The following IL1RAPL1 variants were observed in gnomAD, a reference collection of about 807,000 sequenced individuals.
The protein encoded by IL1RAPL1 is interleukin 1 receptor accessory protein like 1.
Under a neutral mutation model 48.4 loss-of-function variants are expected in IL1RAPL1, and 3 were observed. That is an observed-to-expected ratio of 0.06 (90% CI 0.03 to 0.16). The LOEUF is 0.16. IL1RAPL1 is among the 10% of genes least tolerant of loss of function. The pLI is 1.00. For missense variants in IL1RAPL1, 349 were observed against 530.6 expected (o/e 0.66, Z 3.36); for synonymous variants, 185 against 187.7 (o/e 0.99, Z 0.12).
chrX:28,789,552 T>TA (rs1236710502), intron 2 of IL1RAPL1, 127 bp downstream of exon 2: 1 of 520,167 alleles, frequency 1.9e-6, no homozygotes, highest in African/African-American at 2.3e-5. Context: ...ATATTGTAGA[T>TA]ATTATGAGTA....
intron 5 of IL1RAPL1, among the ~76,000 whole-genome samples, chrX:29,578,598 T>C (rs1455549362): frequency 9.0e-6 from 1 of 111,494 alleles, no homozygotes; most frequent in Non-Finnish European, 1.9e-5. Context: ...AATCAAATGG[T>C]TCTGAGAATG....
chrX:28,828,802 G>T (rs183953032), intron 2 of IL1RAPL1, among the ~76,000 whole-genome samples: 1,152 of 111,670 alleles, frequency 0.01, 3 homozygotes, highest in Middle Eastern at 0.046. Flanking sequence ...TTTTGTTCGG[G>T]TTTTCAAGAT....
intron 2 of IL1RAPL1, among the ~76,000 whole-genome samples, chrX:29,063,272 T>G (rs1438407310): frequency 8.9e-6 from 1 of 111,755 alleles, no homozygotes; most frequent in Admixed American, 9.5e-5. Context: ...AAATAGAGAA[T>G]GATAAGTGAA....
intron 5 of IL1RAPL1, among the ~76,000 whole-genome samples, chrX:29,604,070 T>C (rs1278155081): frequency 8.9e-6 from 1 of 112,369 alleles, no homozygotes; most frequent in East Asian, 2.8e-4. Flanking sequence ...AATTGCAGAG[T>C]ATTGTACAGA....
chrX:29,232,278 T>G lies in IL1RAPL1; in HGVS notation c.83-50660T>G, dbSNP rs910968413. On this transcript the variant is annotated intron_variant, in intron 2 of 10. Transcript: ENST00000378993. ...ACATGGATACAGAGATGATAAGACA[T>G]GATTTTACCGTAAAATAAAACACAC... is the stretch of plus-strand genomic sequence containing the variant. Among the ~76,000 whole-genome samples, 3 of 111,854 alleles carry G rather than the reference T, an allele frequency of 2.7e-5. 1 individual carries two copies. Among genetic ancestry groups the G allele is most frequent in the African/African-American group, 9.7e-5 (3 of 30,799 alleles).
intron 5 of IL1RAPL1, among the ~76,000 whole-genome samples, chrX:29,607,515 A>G (rs1224743677): frequency 1.8e-5 from 2 of 111,882 alleles, no homozygotes. Context: ...TAATTATCCA[A>G]ATGATGTTAG....
chrX:29,094,060 C>T (rs1460168952), intron 2 of IL1RAPL1, among the ~76,000 whole-genome samples: 1 of 111,832 alleles, frequency 8.9e-6, no homozygotes, highest in East Asian at 2.8e-4. Flanking sequence ...TTACTGTCTA[C>T]CTCACCTGGT....
At chrX:29,436,094 A>G (rs1368376533) in intron 5 of IL1RAPL1, among the ~76,000 whole-genome samples, 1 of 109,421 alleles carries the variant, frequency 9.1e-6, no homozygotes, top group South Asian at 3.8e-4. Flanking sequence ...ACTGGCAGTT[A>G]TTATGTTAAA....
At chrX:29,419,268 ACTT>A (rs1435474897) in intron 5 of IL1RAPL1, among the ~76,000 whole-genome samples, 2 of 111,646 alleles carry the variant, frequency 1.8e-5, no homozygotes, top group African/African-American at 3.3e-5. Context: ...AATGACATAT[ACTT>A]CTTCTCATTC....
intron 2 of IL1RAPL1, among the ~76,000 whole-genome samples, chrX:29,271,012 C>T (rs1177444772): frequency 9.0e-6 from 1 of 111,356 alleles, no homozygotes; most frequent in East Asian, 2.8e-4. Context: ...CACACTCCTC[C>T]CACCCTCCAC....
chrX:29,215,336 C>G (rs1252547378), intron 2 of IL1RAPL1, among the ~76,000 whole-genome samples: 7 of 98,549 alleles, frequency 7.1e-5, no homozygotes, highest in African/African-American at 2.9e-4. Flanking sequence ...GAGCAAGACT[C>G]TGTCTCAAAA....
intron 5 of IL1RAPL1, among the ~76,000 whole-genome samples, chrX:29,535,134 CA>C (rs35842937): frequency 0.025 from 565 of 22,494 alleles, 1 homozygote; most frequent in African/African-American, 0.1. Context: ...ACTCTGTCTC[CA>C]AAAAAAAAAA....
chrX:29,564,227 A>G (rs1922328657), intron 5 of IL1RAPL1, among the ~76,000 whole-genome samples: 1 of 111,995 alleles, frequency 8.9e-6, no homozygotes, highest in Admixed American at 9.5e-5. Context: ...GTAATTTTAA[A>G]AATATATGAC....
At chrX:28,823,082 C>T (rs1936954893) in intron 2 of IL1RAPL1, among the ~76,000 whole-genome samples, 1 of 111,569 alleles carries the variant, frequency 9.0e-6, no homozygotes, top group Admixed American at 9.5e-5. Context: ...TTTTCTTCAA[C>T]CCATCTCATA....
In IL1RAPL1 at chrX:29,954,919, T is replaced by C. The variant is rs375889371; in HGVS notation, c.1373-183T>C. On this transcript the variant is annotated intron_variant, in intron 10 of 10. Transcript: ENST00000378993. Reference sequence around the variant, plus strand: ...GCATCTCATTTTGTGAGCCTTGACATTGAAAGAAACCAAATGAGAGATTTG... The same window carrying C: ...GCATCTCATTTTGTGAGCCTTGACACTGAAAGAAACCAAATGAGAGATTTG... Among the ~76,000 whole-genome samples, 9 of 112,179 alleles carry C rather than the reference T, an allele frequency of 8.0e-5. No individual in the cohort carries two copies. In the East Asian group the frequency reaches 2.2e-3, roughly 28 times the overall value.
intron 2 of IL1RAPL1, among the ~76,000 whole-genome samples, chrX:29,004,022 G>A (rs376895357): frequency 4.5e-5 from 5 of 110,643 alleles, no homozygotes; most frequent in East Asian, 2.9e-4. Flanking sequence ...TGTACCTGTC[G>A]TCCCAGCTAC....
At chrX:29,146,704 T>G (rs1929359030) in intron 2 of IL1RAPL1, among the ~76,000 whole-genome samples, 1 of 112,284 alleles carries the variant, frequency 8.9e-6, no homozygotes, top group African/African-American at 3.2e-5. Context: ...TAATGCATTT[T>G]AGGATGTCTG....
At chrX:29,345,920 T>G (rs968945276) in intron 3 of IL1RAPL1, among the ~76,000 whole-genome samples, 1 of 112,007 alleles carries the variant, frequency 8.9e-6, no homozygotes, top group Non-Finnish European at 1.9e-5. Context: ...AGCAAAAGTT[T>G]TATATTTCCT....
intron 2 of IL1RAPL1, among the ~76,000 whole-genome samples, chrX:29,150,505 A>G (rs769203487): frequency 9.0e-6 from 1 of 111,669 alleles, no homozygotes; most frequent in South Asian, 3.8e-4. Flanking sequence ...GGGAACCATG[A>G]CCCCAAAAGC....
Sources: allele counts gnomAD v4.1 joint callset (sites outside exome capture counted in the v4.1 genomes callset), GRCh38; gene constraint gnomAD v4.1.1; transcripts MANE v1.5; gene names NCBI Gene and HGNC (gene_info 2026-07-23, HGNC 2026-07-21).